The following ZNF761 variants were observed in gnomAD, a reference collection of about 807,000 sequenced individuals.
ZNF761 encodes zinc finger protein 761.
Under a neutral mutation model 59.9 loss-of-function variants are expected in ZNF761, and 43 were observed. That is an observed-to-expected ratio of 0.72 (90% CI 0.56 to 0.92). The LOEUF (loss-of-function observed/expected upper bound fraction) is 0.92, where lower values mean the gene tolerates loss of function less well. Ranked by LOEUF, ZNF761 falls within the 40% of genes least tolerant of loss-of-function variation. ZNF761 has a pLI of 0.00. For missense variants in ZNF761, 850 were observed against 906.1 expected (o/e 0.94, Z 0.79); for synonymous variants, 294 against 304.8 (o/e 0.96, Z 0.37).
intron 1 of ZNF761, among the ~76,000 whole-genome samples, chr19:53,438,704 G>T (rs954348512): frequency 6.6e-6 from 1 of 152,176 alleles, no homozygotes; most frequent in Non-Finnish European, 1.5e-5. Flanking sequence ...AGTTAGAAGT[G>T]CACAAATGGC....
In ZNF761 at chr19:53,455,853, G is replaced by A. The variant is rs544958799; in HGVS notation, c.1346G>A (p.Arg449Gln). The A allele has an allele frequency of 2.4e-4, 377 of 1,602,572 alleles. 4 individuals carry two copies. The East Asian group carries it at 8.1e-3, about 35-fold the overall frequency. ...KCNECGKTFS[R>Q]TSSLTCHRRR... ...AATGAGTGTGGAAAGACCTTTAGCC[G>A]GACATCATCCCTTACATGCCATCGT... Residue 449 changes from arginine (R) to glutamine (Q), a missense_variant, in exon 5 of 5, where the codon CGG becomes CAG. Arg to Gln is a conservative substitution (Grantham distance 43). Transcript: ENST00000684525.
intron 1 of ZNF761, among the ~76,000 whole-genome samples, chr19:53,445,588 C>T (rs2086148731): frequency 6.6e-6 from 1 of 152,038 alleles, no homozygotes; most frequent in African/African-American, 2.4e-5. Flanking sequence ...AAATGATCGG[C>T]AAAATAGTGC....
At chr19:53,446,591 T>C (rs2617739) in intron 2 of ZNF761, among the ~76,000 whole-genome samples, 16,976 of 152,044 alleles carry the variant, frequency 0.11, 1,284 homozygotes, top group African/African-American at 0.22. Flanking sequence ...AAGGCTGGTC[T>C]CAAACTTCTG....
chr19:53,447,127 T>C (rs570135475), intron 2 of ZNF761, 69 bp from the exon 3 acceptor site: 9 of 1,031,010 alleles, frequency 8.7e-6, no homozygotes, highest in African/African-American at 4.8e-5. Flanking sequence ...CGCCTTTGTA[T>C]GTGTGGTTGT....
intron 1 of ZNF761, among the ~76,000 whole-genome samples, chr19:53,434,764 T>G (rs568805905): frequency 4.6e-5 from 7 of 152,308 alleles, no homozygotes; most frequent in East Asian, 3.9e-4. Context: ...TGGCATTAAC[T>G]CTTTTGCTTC....
At chr19:53,442,014 C>T (rs1229873018) in intron 1 of ZNF761, 5 of 1,081,182 alleles carry the variant, frequency 4.6e-6, no homozygotes, top group East Asian at 2.4e-5. Flanking sequence ...GAAGTGGCCT[C>T]CGTGAACGGT....
rs780795369 is a variant in ZNF761, at chr19:53,455,312, C to T, written c.805C>T (p.Pro269Ser). The T allele has an allele frequency of 3.7e-6, 6 of 1,614,216 alleles. No individual in the cohort carries two copies. Among genetic ancestry groups the T allele is most frequent in the South Asian group, 1.1e-5 (1 of 91,078 alleles). ...TCGTAGATGTCACACTGGTGAGAAT[C>T]CTTACAAGTGTAATGAGTGTGGCAA... is the stretch of plus-strand genomic sequence containing the variant. ...CHRRCHTGEN[P>S]YKCNECGKTF... The change falls in exon 5 of 5, where the codon CCT becomes TCT. Residue 269 changes from proline to serine, a missense_variant. Transcript: ENST00000684525.
rs1280886600 is a variant in ZNF761, at chr19:53,449,538, C to T, written c.42C>T (p.Ala14=). 5 of 1,613,572 alleles carry T rather than the reference C, an allele frequency of 3.1e-6. No homozygotes were observed. The African/African-American group carries it at 6.7e-5, about 22-fold the overall frequency. The change falls in exon 4 of 5, where the codon GCC becomes GCT. Residue 14 remains alanine (A), a synonymous_variant. Transcript: ENST00000684525. ...GTCTATTGACATTCAGGGATGTGGC[C>T]ATAGAATTCTCTCAGGAGGAGTGGA... The part of the protein sequence containing the change: ...SQGLLTFRDV[A]IEFSQEEWKC...
At chr19:53,445,340 CCA>C (rs1421007959) in intron 1 of ZNF761, 2 of 152,074 alleles carry the variant, frequency 1.3e-5, no homozygotes, top group Non-Finnish European at 2.9e-5. Context: ...TTTCTTTAGC[CCA>C]GGCCTGTGAA....
intron 3 of ZNF761, among the ~76,000 whole-genome samples, chr19:53,447,533 G>C (rs766001757): frequency 7.2e-5 from 11 of 152,172 alleles, no homozygotes; most frequent in Non-Finnish European, 1.3e-4. Context: ...GATGGAGACG[G>C]GGTGAGGGTC....
chr19:53,442,859 G>A (rs1336544078), intron 1 of ZNF761: 4 of 419,170 alleles, frequency 9.5e-6, no homozygotes, highest in Non-Finnish European at 1.8e-5. Context: ...AATGCATAAT[G>A]TCTTTAAAAA....
chr19:53,436,952 T>A (rs1600082437), intron 1 of ZNF761, among the ~76,000 whole-genome samples: 1 of 152,098 alleles, frequency 6.6e-6, no homozygotes. Context: ...CTGTCGTGGG[T>A]TATTCTCAGC....
intron 1 of ZNF761, among the ~76,000 whole-genome samples, chr19:53,439,692 C>A (rs2086078928): frequency 6.6e-6 from 1 of 152,132 alleles, no homozygotes; most frequent in Non-Finnish European, 1.5e-5. Flanking sequence ...TTATAGCATG[C>A]AAATATTGCA....
At position 53,456,423 on chromosome 19, in the gene ZNF761, G is replaced by C; in HGVS notation, c.1916G>C (p.Cys639Ser). ...GAGAAACCTTACAAATGTGAAGAAT[G>C]TGACAAAGCTTTCCGTGTGAAATCA... ...TGEKPYKCEE[C>S]DKAFRVKSNL... The change falls in exon 5 of 5, where the codon TGT becomes TCT. Residue 639 changes from cysteine to serine, a missense_variant. Cys to Ser is a moderately radical substitution (Grantham distance 112). Coordinates refer to ENST00000684525, the MANE Select transcript of ZNF761 (RefSeq NM_001289951.2). The C allele has an allele frequency of 6.2e-7, 1 of 1,613,738 alleles. No individual in the cohort carries two copies. Among genetic ancestry groups the C allele is most frequent in the Middle Eastern group, 1.7e-4 (1 of 6,060 alleles).
chr19:53,446,887 G>A (rs2086165701), intron 2 of ZNF761, among the ~76,000 whole-genome samples: 1 of 152,186 alleles, frequency 6.6e-6, no homozygotes, highest in South Asian at 2.1e-4. Context: ...CTCCCAGAGT[G>A]CTGGGATGAC....
At position 53,457,156 on chromosome 19, in the gene ZNF761, A is replaced by C. The variant is rs1600102024; in HGVS notation, c.*408A>C. ...GCAATCCATGGTGTAGGGAAACTTT[A>C]CTAAGGTAATGATTGTCACAAAGTC... On this transcript the variant is annotated 3_prime_UTR_variant, in exon 5 of 5. Transcript: ENST00000684525. 1.9e-6 allele frequency: 1 copy of C among 512,884 alleles called. No homozygotes were observed. The highest frequency in any genetic ancestry group is 1.6e-5 in the South Asian group (1 of 62,710). The allele number at this position is 512,884 out of a possible 1,614,324, so 31.8% of individuals were successfully genotyped here.
rs11445396 is a variant in ZNF761 at position 53,453,890 on chromosome 19, T to TAA, written c.143-753_143-752dup. On this transcript the variant is annotated intron_variant, in intron 4 of 4. Coordinates refer to ENST00000684525, the MANE Select transcript of ZNF761 (RefSeq NM_001289951.2). Reference sequence around the variant, plus strand: ...AAACTTCATCTCAAAAATATAAAAATAAAAAAAATGTTTTAATGTCACAAC... The same window carrying TAA: ...AAACTTCATCTCAAAAATATAAAAATAAAAAAAAAATGTTTTAATGTCACAAC... 1.7e-3 allele frequency among the ~76,000 whole-genome samples: 256 copies of TAA among 151,582 alleles called. 2 individuals carry two copies. The highest frequency in any genetic ancestry group is 6.1e-3 in the African/African-American group (252 of 41,320).
At position 53,456,639 on chromosome 19, in the gene ZNF761, T is replaced by G; in HGVS notation, c.2132T>G (p.Leu711Arg). ...QKSSLICHHR[L>R]HTGEKPYKCN... ...TCATCCCTTATATGCCACCATAGAC[T>G]TCATACTGGAGAGAAACCTTACAAG... The change falls in exon 5 of 5, where the codon CTT (leucine) becomes CGT (arginine). Residue 711 changes from leucine to arginine, a missense_variant. Physicochemically the swap from Leu to Arg is moderately radical, Grantham distance 102 (BLOSUM62 -2). Transcript: ENST00000684525. 1 of 1,613,802 alleles carries G rather than the reference T, an allele frequency of 6.2e-7. No homozygotes were observed. Among genetic ancestry groups the G allele is most frequent in the Non-Finnish European group, 8.5e-7 (1 of 1,179,926 alleles).
intron 1 of ZNF761, among the ~76,000 whole-genome samples, chr19:53,439,949 C>T (rs2086081526): frequency 6.6e-6 from 1 of 152,062 alleles, no homozygotes; most frequent in Non-Finnish European, 1.5e-5. Context: ...TTGTCCTCAG[C>T]CTATACTCCA....
Sources: allele counts gnomAD v4.1 joint callset (sites outside exome capture counted in the v4.1 genomes callset), GRCh38; gene constraint gnomAD v4.1.1; transcripts MANE v1.5; gene names NCBI Gene and HGNC (gene_info 2026-07-23, HGNC 2026-07-21).